JCAD: variants seen among roughly 807,000 people sequenced by gnomAD.
JCAD encodes the protein junctional cadherin 5-associated protein.
Under a neutral mutation model 98.0 loss-of-function variants are expected in JCAD, and 40 were observed. The observed-to-expected ratio is 0.41, with a 90% CI of 0.32 to 0.53. The LOEUF is 0.53. Among genes scored for constraint, JCAD ranks in the 20% least tolerant of loss-of-function variants. JCAD has a pLI of 0.31. For synonymous variants in JCAD, 691 were observed against 682.3 expected (o/e 1.01, Z -0.20); for missense variants, 1,705 against 1,738.1 (o/e 0.98, Z 0.34).
intron 1 of JCAD, among the ~76,000 whole-genome samples, chr10:30,111,202 C>G (rs1447760237): frequency 6.6e-6 from 1 of 152,228 alleles, no homozygotes; most frequent in African/African-American, 2.4e-5. Context: ...TGTTCCTCAC[C>G]TGTACACTGT....
intron 2 of JCAD, among the ~76,000 whole-genome samples, chr10:30,068,933 C>G (rs536433977): frequency 2.6e-5 from 4 of 152,360 alleles, no homozygotes; most frequent in South Asian, 2.1e-4. Context: ...CCTTCTCACT[C>G]CTTTCTGCCT....
chr10:30,081,897 A>G (rs1016086258), intron 1 of JCAD, among the ~76,000 whole-genome samples: 1 of 152,224 alleles, frequency 6.6e-6, no homozygotes, highest in African/African-American at 2.4e-5. Context: ...AGCTGTGTGT[A>G]GTATTATAAC....
intron 1 of JCAD, among the ~76,000 whole-genome samples, chr10:30,072,274 T>C (rs569743976): frequency 8.5e-5 from 13 of 152,204 alleles, no homozygotes; most frequent in Admixed American, 7.2e-4. Context: ...GAAACTCCTT[T>C]AGTTCATAAT....
intron 1 of JCAD, among the ~76,000 whole-genome samples, chr10:30,081,859 T>A (rs1346729127): frequency 6.6e-6 from 1 of 152,220 alleles, no homozygotes; most frequent in Non-Finnish European, 1.5e-5. Flanking sequence ...GCATAGCAGC[T>A]CCTGAAATTA....
chr10:30,068,384 C>G (rs1837822339), intron 2 of JCAD, among the ~76,000 whole-genome samples: 1 of 97,642 alleles, frequency 1.0e-5, no homozygotes, highest in South Asian at 3.2e-4. Context: ...GAGCAAAACT[C>G]TGTCTCAAAA....
chr10:30,037,926 G>A (rs1837149705), intron 2 of JCAD, among the ~76,000 whole-genome samples: 3 of 90,448 alleles, frequency 3.3e-5, no homozygotes, highest in African/African-American at 1.1e-4. Flanking sequence ...AACTCAGAAT[G>A]GAAAAATTAA....
intron 1 of JCAD, among the ~76,000 whole-genome samples, chr10:30,092,695 A>C (rs909685754): frequency 1.3e-5 from 2 of 152,156 alleles, no homozygotes; most frequent in African/African-American, 4.8e-5. Context: ...TGGGAGCTTT[A>C]ACGTTCCCAG....
Position 30,017,816 on chromosome 10 carries a change from G to T in JCAD, c.*67C>A. 2 of 1,437,268 alleles carry T rather than the reference G, an allele frequency of 1.4e-6. No individual in the cohort carries two copies. The highest frequency in any genetic ancestry group is 1.1e-5 in the South Asian group (1 of 87,142). 89.0% of individuals were successfully genotyped at this position (1,437,268 alleles called of 1,614,324 possible). On this transcript the variant is annotated 3_prime_UTR_variant, in exon 4 of 4. Transcript: ENST00000375377. Reference sequence around the variant, plus strand: ...TCTACATGGGGAAGTGGGGCTGATAGACTAAATCTACCAGCTACTTGAGAA... The same window carrying T: ...TCTACATGGGGAAGTGGGGCTGATATACTAAATCTACCAGCTACTTGAGAA...
intron 1 of JCAD, among the ~76,000 whole-genome samples, chr10:30,112,148 C>T (rs1394288961): frequency 3.3e-5 from 5 of 152,018 alleles, no homozygotes; most frequent in Non-Finnish European, 7.4e-5. Flanking sequence ...AATGGAGGAC[C>T]GATGCAGGCT....
chr10:30,027,032 TTG>T lies in JCAD; in HGVS notation c.3114_3115del (p.Asn1038LysfsTer25). On this transcript the variant is annotated frameshift_variant, in exon 3 of 4. Transcript: ENST00000375377. LOFTEE classifies it high-confidence loss of function. ...GTCTGGAGCTGAGAGCCCTCGGTTC[TTG>T]TTAGACAGGGACAGTGGGAGCCCTG... 1 of 1,614,204 alleles carries T rather than the reference TTG, an allele frequency of 6.2e-7. No individual in the cohort carries two copies. Among genetic ancestry groups the T allele is most frequent in the Non-Finnish European group, 8.5e-7 (1 of 1,180,038 alleles).
intron 3 of JCAD, 50 bp from the exon 4 acceptor site, chr10:30,017,967 A>G (rs1180662701): frequency 1.4e-6 from 2 of 1,440,442 alleles, no homozygotes; most frequent in African/African-American, 2.8e-5. Context: ...CAACTGCTCT[A>G]TTTTCTGTTT....
Position 30,026,730 on chromosome 10 carries a change from C to T in JCAD, c.3418G>A (p.Val1140Met). ...SRPAPADVPR[V>M]STDAFYGRRK... is the part of the protein sequence containing the mutation. ...CTGCCATAAAAGGCATCAGTGGACA[C>T]CCTGGGGACATCTGCCGGTGCTGGG... Residue 1140 changes from valine to methionine, a missense_variant, in exon 3 of 4, where the codon GTG (valine) becomes ATG (methionine). This residue lies in a region of JCAD where 1,278 missense variants were observed against 1,243.1 expected (regional missense o/e 1.03). Coordinates refer to ENST00000375377, the MANE Select transcript of JCAD (RefSeq NM_020848.4). 1.2e-6 allele frequency: 2 copies of T among 1,614,134 alleles called. No homozygotes were observed. Among genetic ancestry groups the T allele is most frequent in the Non-Finnish European group, 8.5e-7 (1 of 1,180,014 alleles).
intron 1 of JCAD, among the ~76,000 whole-genome samples, chr10:30,098,904 C>T (rs1440432779): frequency 3.3e-5 from 5 of 152,188 alleles, no homozygotes; most frequent in Non-Finnish European, 7.3e-5. Context: ...TGAATCACAT[C>T]TGTGGTTCTT....
chr10:30,052,467 C>T (rs1837490734), intron 1 of JCAD, among the ~76,000 whole-genome samples: 1 of 152,172 alleles, frequency 6.6e-6, no homozygotes, highest in Non-Finnish European at 1.5e-5. Context: ...GTGGCCACGA[C>T]ACAGAACAGG....
chr10:30,049,144 G>GT (rs1326790673), intron 1 of JCAD, among the ~76,000 whole-genome samples: 20 of 152,286 alleles, frequency 1.3e-4, no homozygotes, highest in African/African-American at 4.8e-4. Flanking sequence ...ATGATAAGGC[G>GT]TAAGACGGAT....
rs187181952 is a variant in JCAD at position 30,102,240 on chromosome 10, C to T, written n.128+13127G>A. ...CTGGAGTGCAGTGGTATGATCTTGG[C>T]TTACTGCAACCTCCACCTCCTGGGT... On this transcript the variant is annotated intron_variant and non_coding_transcript_variant, in intron 1 of 2. Transcript: ENST00000465712. 2.8e-3 allele frequency among the ~76,000 whole-genome samples: 424 copies of T among 152,288 alleles called. 6 individuals carry two copies. Among genetic ancestry groups the T allele is most frequent in the African/African-American group, 9.9e-3 (413 of 41,562 alleles).
intron 3 of JCAD, 170 bp downstream of exon 3, chr10:30,025,933 G>A: frequency 1.3e-6 from 1 of 750,202 alleles, no homozygotes; most frequent in South Asian, 1.8e-5. Context: ...TTTAAAGATG[G>A]CTTCTGGATA....
chr10:30,098,946 A>G (rs1838423528), intron 1 of JCAD, among the ~76,000 whole-genome samples: 1 of 152,086 alleles, frequency 6.6e-6, no homozygotes, highest in Non-Finnish European at 1.5e-5. Context: ...TGGTTTTTTC[A>G]GTTTCCTTCA....
Position 30,082,860 on chromosome 10 carries a change from A to C in JCAD, n.129-13039T>G, listed in dbSNP as rs1021669201. On this transcript the variant is annotated intron_variant and non_coding_transcript_variant, in intron 1 of 2. Transcript: ENST00000465712. ...GAGTGAAACTCTGTCTCAAAAAAAA[A>C]AAAAAAAAAAAAAAAAACAAAAAAT... Among the ~76,000 whole-genome samples the C allele has an allele frequency of 1.6e-4, 23 of 141,544 alleles. 1 individual carries two copies. Among genetic ancestry groups the C allele is most frequent in the African/African-American group, 6.8e-4 (23 of 34,074 alleles). 92.9% of individuals were successfully genotyped at this position (141,544 alleles called of 152,430 possible).
Sources: gnomAD v4.1 joint callset for allele counts (sites outside exome capture counted in the v4.1 genomes callset) on GRCh38, gnomAD v4.1.1 for gene constraint, gnomAD v4.1.1 regional missense constraint, MANE v1.5 for transcripts, NCBI Gene and HGNC (gene_info 2026-07-23, HGNC 2026-07-21) for gene names.